KAZN: variants seen among roughly 807,000 people sequenced by gnomAD.
The protein encoded by KAZN is kazrin, periplakin interacting protein, also known as kazrin.
In KAZN, 40 loss-of-function variants were observed where a neutral mutation model predicts 87.4. The ratio of observed to expected loss-of-function variants is 0.46; its 90% confidence interval spans 0.36 to 0.60. The LOEUF (loss-of-function observed/expected upper bound fraction) is 0.60, where lower values mean the gene tolerates loss of function less well. Among genes scored for constraint, KAZN ranks in the 20% least tolerant of loss-of-function variants. The pLI is 0.00. For missense variants in KAZN, 898 were observed against 1,073.9 expected, an observed-to-expected ratio of 0.84 and a Z score of 2.29; for synonymous variants, 466 against 458.3, an observed-to-expected ratio of 1.02 and a Z score of -0.22.
chr1:14,375,334 A>G (rs186750214), intron 2 of KAZN, among the ~76,000 whole-genome samples: 21 of 152,294 alleles, frequency 1.4e-4, no homozygotes, highest in Admixed American at 3.3e-4. Flanking sequence ...CTGTCTCTCC[A>G]TAAGTCAGTC....
intron 2 of KAZN, among the ~76,000 whole-genome samples, chr1:14,516,442 A>G (rs1671303558): frequency 6.6e-6 from 1 of 152,192 alleles, no homozygotes; most frequent in African/African-American, 2.4e-5. Flanking sequence ...CAGCATTTCC[A>G]TGCCCTTGAC....
At chr1:14,661,039 G>C (rs541873509) in intron 1 of KAZN, among the ~76,000 whole-genome samples, 1 of 152,138 alleles carries the variant, frequency 6.6e-6, no homozygotes, top group African/African-American at 2.4e-5. Context: ...GTAAGTGTTC[G>C]TTGAGCTTTG....
Position 15,066,496 on chromosome 1 carries a change from G to C in KAZN, c.1222+743G>C. The C allele has an allele frequency of 2.0e-6, 2 of 985,416 alleles. No homozygotes were observed. Among genetic ancestry groups the C allele is most frequent in the Non-Finnish European group, 2.4e-6 (2 of 829,932 alleles). 61.0% of individuals were successfully genotyped at this position (985,416 alleles called of 1,614,324 possible). A position where few individuals can be genotyped will look rare whatever the true frequency, so the allele number is the denominator to read the frequency against. Reference sequence around the variant, plus strand: ...CCTTGTCTTGGCTGGGTTTGTCAGAGGTCAAACCGGCTCTTTTAAACGGCC... The same window carrying C: ...CCTTGTCTTGGCTGGGTTTGTCAGACGTCAAACCGGCTCTTTTAAACGGCC... On this transcript the variant is annotated intron_variant, in intron 8 of 14. Transcript: ENST00000376030. The surrounding 1 kb of genome is among the most constrained non-coding windows in gnomAD (Gnocchi z 4.3).
intron 1 of KAZN, among the ~76,000 whole-genome samples, chr1:14,610,910 A>T (rs765044019): frequency 1.3e-5 from 2 of 152,086 alleles, no homozygotes; most frequent in Non-Finnish European, 2.9e-5. Flanking sequence ...ATATGCAACC[A>T]AAATATGTTG....
At position 14,085,919 on chromosome 1, in the gene KAZN, T is replaced by C. The variant is rs554572082; in HGVS notation, c.92-94516T>C. Among the ~76,000 whole-genome samples, 21 of 152,326 alleles carry C rather than the reference T, an allele frequency of 1.4e-4. No homozygotes were observed. The South Asian group carries it at 4.4e-3, about 32-fold the overall frequency. On this transcript the variant is annotated intron_variant, in intron 1 of 16. Coordinates refer to the KAZN transcript ENST00000636203. Reference sequence around the variant, plus strand: ...TTTTCCACATTCCCCCCAATACTTTTTAAATATGGCCATATGAAAAAATGT... The same window carrying C: ...TTTTCCACATTCCCCCCAATACTTTCTAAATATGGCCATATGAAAAAATGT...
intron 1 of KAZN, among the ~76,000 whole-genome samples, chr1:14,068,428 C>T (rs1422174740): frequency 6.6e-6 from 1 of 152,074 alleles, no homozygotes; most frequent in Non-Finnish European, 1.5e-5. Flanking sequence ...ACCTGGGGCA[C>T]TTTTAAAAAT....
intron 1 of KAZN, among the ~76,000 whole-genome samples, chr1:14,006,208 G>A (rs1337829613): frequency 1.3e-5 from 2 of 152,086 alleles, no homozygotes; most frequent in African/African-American, 4.8e-5. Context: ...TGATGTACTG[G>A]TTAGTCTGTT....
At chr1:14,372,947 G>T (rs1224438155) in intron 2 of KAZN, among the ~76,000 whole-genome samples, 2 of 152,114 alleles carry the variant, frequency 1.3e-5, no homozygotes, top group African/African-American at 4.8e-5. Context: ...ACAGGGGATA[G>T]AGATAGAAAC....
intron 2 of KAZN, among the ~76,000 whole-genome samples, chr1:14,488,309 A>C (rs146421387): frequency 6.6e-6 from 1 of 152,288 alleles, no homozygotes; most frequent in East Asian, 1.9e-4. Flanking sequence ...AGGAAGAAAG[A>C]CAGGAGGATG....
chr1:14,081,928 C>T (rs1270828018), intron 1 of KAZN, among the ~76,000 whole-genome samples: 4 of 151,968 alleles, frequency 2.6e-5, no homozygotes, highest in African/African-American at 7.3e-5. Flanking sequence ...GTGCCATCGC[C>T]CCCAGCTAAT....
intron 1 of KAZN, among the ~76,000 whole-genome samples, chr1:14,050,543 A>G (rs1434340560): frequency 6.6e-6 from 1 of 152,228 alleles, no homozygotes; most frequent in Non-Finnish European, 1.5e-5. Context: ...ACTATTTACA[A>G]ACCCATCAGA....
At chr1:14,984,584 C>A (rs796953314) in intron 2 of KAZN, among the ~76,000 whole-genome samples, 10 of 152,068 alleles carry the variant, frequency 6.6e-5, no homozygotes, top group African/African-American at 2.2e-4. Context: ...AAGCCATGTC[C>A]CCCTGTAGCA....
chr1:14,719,743 G>A (rs2100275045), intron 1 of KAZN, among the ~76,000 whole-genome samples: 1 of 152,302 alleles, frequency 6.6e-6, no homozygotes, highest in African/African-American at 2.4e-5. Flanking sequence ...GGAGGCTGAG[G>A]CAGGAGAATC....
intron 1 of KAZN, among the ~76,000 whole-genome samples, chr1:13,898,495 G>C (rs1177013814): frequency 6.6e-6 from 1 of 152,186 alleles, no homozygotes; most frequent in South Asian, 2.1e-4. Flanking sequence ...CAGTTACCTT[G>C]CTTGACCCAA....
intron 1 of KAZN, among the ~76,000 whole-genome samples, chr1:14,690,343 A>C (rs1364054079): frequency 6.6e-6 from 1 of 152,178 alleles, no homozygotes; most frequent in Admixed American, 6.5e-5. Flanking sequence ...TGGGAGCCCC[A>C]GATTTAGGGA....
intron 1 of KAZN, among the ~76,000 whole-genome samples, chr1:14,617,533 G>A (rs985936838): frequency 5.9e-5 from 9 of 152,270 alleles, no homozygotes; most frequent in East Asian, 5.8e-4. Flanking sequence ...TGGTATCTAC[G>A]AAGCGCAGTA....
At chr1:14,374,183 G>T (rs140908373) in intron 2 of KAZN, among the ~76,000 whole-genome samples, 144 of 152,284 alleles carry the variant, frequency 9.5e-4, no homozygotes, top group African/African-American at 3.3e-3. Context: ...TCTAAAACTT[G>T]ATGTTTAAGA....
At chr1:14,631,894 C>G (rs1679598740) in intron 1 of KAZN, among the ~76,000 whole-genome samples, 1 of 152,206 alleles carries the variant, frequency 6.6e-6, no homozygotes, top group Admixed American at 6.5e-5. Flanking sequence ...GGGGTCAGCT[C>G]TCTTAATATC....
chr1:14,980,466 C>T (rs1572973379), intron 2 of KAZN, among the ~76,000 whole-genome samples: 2 of 152,162 alleles, frequency 1.3e-5, no homozygotes, highest in South Asian at 4.1e-4. Flanking sequence ...GCTGGACGTT[C>T]GTGCTACGCG....
Sources: gnomAD v4.1 joint callset for allele counts (sites outside exome capture counted in the v4.1 genomes callset) on GRCh38, gnomAD v4.1.1 for gene constraint, Gnocchi (gnomAD v3.1) non-coding constraint, MANE v1.5 for transcripts, NCBI Gene and HGNC (gene_info 2026-07-23, HGNC 2026-07-21) for gene names.